Variants in C1orf87 observed in about 807,000 individuals in gnomAD.
The protein encoded by C1orf87 is uncharacterized protein C1orf87.
Under a neutral mutation model 60.5 loss-of-function variants are expected in C1orf87, and 58 were observed. The ratio of observed to expected loss-of-function variants is 0.96; its 90% CI spans 0.78 to 1.19. The LOEUF (loss-of-function observed/expected upper bound fraction) is 1.19, where lower values mean the gene tolerates loss of function less well. C1orf87 is among the 50% of genes most tolerant of loss of function. The pLI, the probability that C1orf87 is intolerant of heterozygous loss-of-function variation, is 0.00. For synonymous variants in C1orf87, 236 were observed against 227.4 expected (o/e 1.04, Z -0.34); for missense variants, 673 against 638.6 (o/e 1.05, Z -0.58).
chr1:60,042,926 G>A (rs1645337082), intron 3 of C1orf87, among the ~76,000 whole-genome samples: 1 of 152,156 alleles, frequency 6.6e-6, no homozygotes, highest in African/African-American at 2.4e-5. Flanking sequence ...TGGTCCACCT[G>A]ATCTGGACTT....
intron 11 of C1orf87, among the ~76,000 whole-genome samples, chr1:59,991,814 T>C (rs75072064): frequency 0.01 from 1,582 of 152,276 alleles, 29 homozygotes; most frequent in African/African-American, 0.036. Flanking sequence ...TTTTGATGGC[T>C]GTTGGGAGGA....
intron 3 of C1orf87, among the ~76,000 whole-genome samples, chr1:60,041,760 T>A (rs74472846): frequency 0.018 from 2,738 of 152,298 alleles, 90 homozygotes; most frequent in African/African-American, 0.063. Flanking sequence ...AGCTAATTCC[T>A]AGAGATGGCA....
intron 3 of C1orf87, among the ~76,000 whole-genome samples, chr1:60,050,390 A>T (rs1645405553): frequency 6.6e-6 from 1 of 151,780 alleles, no homozygotes; most frequent in African/African-American, 2.4e-5. Flanking sequence ...TAGTTAATTT[A>T]CTTCTACATT....
At position 60,032,448 on chromosome 1, in the gene C1orf87, T is replaced by G. The variant is rs1645245698; in HGVS notation, c.1029+1028A>C. The stretch of plus-strand genomic sequence containing the variant: ...GAGACTCAGGTTTTTTTTTTTTTTT[T>G]TTTTTTTGAGACTGAGTCTCGCTCT... On this transcript the variant is annotated intron_variant, in intron 7 of 11. Coordinates refer to ENST00000371201, the MANE Select transcript of C1orf87 (RefSeq NM_152377.3). Among the ~76,000 whole-genome samples, 4 of 146,152 alleles carry G rather than the reference T, an allele frequency of 2.7e-5. No individual in the cohort carries two copies. In the South Asian group the frequency reaches 9.1e-4, roughly 33 times the overall value.
At chr1:60,003,410 A>G (rs984146624) in intron 9 of C1orf87, among the ~76,000 whole-genome samples, 1 of 152,058 alleles carries the variant, frequency 6.6e-6, no homozygotes, top group Non-Finnish European at 1.5e-5. Context: ...AGCATGGCTC[A>G]TGTATACATA....
At chr1:59,997,577 A>C in intron 11 of C1orf87, 32 bp downstream of exon 11, 1 of 1,607,540 alleles carries the variant, frequency 6.2e-7, no homozygotes, top group Non-Finnish European at 8.5e-7. Context: ...CACAAATAGA[A>C]ACCTATGCCA....
intron 8 of C1orf87, 83 bp downstream of exon 8, chr1:60,025,318 T>G (rs952329510): frequency 9.0e-7 from 1 of 1,107,384 alleles, no homozygotes; most frequent in Non-Finnish European, 1.3e-6. Flanking sequence ...AAAACCATCA[T>G]ATTTGAAGTT....
intron 9 of C1orf87, among the ~76,000 whole-genome samples, chr1:60,009,540 C>A (rs967311132): frequency 6.6e-6 from 1 of 152,000 alleles, no homozygotes; most frequent in Admixed American, 6.6e-5. Flanking sequence ...AACCAATCCC[C>A]TGTAGTAAAT....
intron 2 of C1orf87, among the ~76,000 whole-genome samples, chr1:60,067,473 T>C (rs1178700244): frequency 6.6e-6 from 1 of 151,990 alleles, no homozygotes; most frequent in Non-Finnish European, 1.5e-5. Flanking sequence ...CCAGAGATGG[T>C]GAGCTTTTTT....
At chr1:60,065,232 T>C (rs1019270719) in intron 2 of C1orf87, among the ~76,000 whole-genome samples, 2 of 150,704 alleles carry the variant, frequency 1.3e-5, no homozygotes, top group Admixed American at 6.7e-5. Context: ...ATGCCCAATA[T>C]TGGGCAAACT....
chr1:60,025,483 C>T lies in C1orf87; in HGVS notation c.1045G>A (p.Gly349Arg). 1 of 1,611,216 alleles carries T rather than the reference C, an allele frequency of 6.2e-7. No individual in the cohort carries two copies. Among genetic ancestry groups the T allele is most frequent in the Non-Finnish European group, 8.5e-7 (1 of 1,178,596 alleles). Residue 349 changes from glycine (G) to arginine (R), a missense_variant, in exon 8 of 12, where the codon GGG becomes AGG. By Grantham distance (125) the Gly-to-Arg change is moderately radical. Transcript: ENST00000371201. ...AGGGTCAGATATAATCCATGCTTCC[C>T]ACATATAGCCCTGACCTACAAGTTA... ...LPLPKVRAIC[G>R]KHGLYLTLSL...
At chr1:59,995,027 A>G (rs532357218) in intron 11 of C1orf87, among the ~76,000 whole-genome samples, 31 of 152,306 alleles carry the variant, frequency 2.0e-4, no homozygotes, top group Non-Finnish European at 3.4e-4. Flanking sequence ...AATTTCATGG[A>G]AACAGAGAAA....
chr1:60,039,420 T>C (rs1645301909), intron 5 of C1orf87, among the ~76,000 whole-genome samples: 1 of 152,232 alleles, frequency 6.6e-6, no homozygotes, highest in Non-Finnish European at 1.5e-5. Context: ...ATTTGTGTCT[T>C]AGCATGGTGT....
At chr1:60,068,934 G>A (rs1007480401) in intron 2 of C1orf87, among the ~76,000 whole-genome samples, 3 of 151,966 alleles carry the variant, frequency 2.0e-5, no homozygotes, top group Admixed American at 6.6e-5. Flanking sequence ...CTTTAGATTT[G>A]GATTTATTTA....
intron 3 of C1orf87, among the ~76,000 whole-genome samples, chr1:60,050,162 G>A (rs746742730): frequency 8.6e-5 from 13 of 151,850 alleles, no homozygotes; most frequent in African/African-American, 2.4e-4. Flanking sequence ...AATAAAAACC[G>A]AACACTATTT....
intron 7 of C1orf87, among the ~76,000 whole-genome samples, chr1:60,031,321 A>G (rs1645236542): frequency 6.6e-6 from 1 of 152,226 alleles, no homozygotes; most frequent in South Asian, 2.1e-4. Flanking sequence ...GCTCTGAGTG[A>G]GTTCCAGATG....
chr1:60,059,869 T>C (rs894870893), intron 2 of C1orf87, among the ~76,000 whole-genome samples: 1 of 152,140 alleles, frequency 6.6e-6, no homozygotes, highest in African/African-American at 2.4e-5. Flanking sequence ...GGGATCTAAT[T>C]TCAGTAAATG....
intron 9 of C1orf87, among the ~76,000 whole-genome samples, chr1:60,009,995 T>C (rs1645071790): frequency 6.6e-6 from 1 of 151,134 alleles, no homozygotes; most frequent in Non-Finnish European, 1.5e-5. Flanking sequence ...ACACTAAACA[T>C]ATATATACAT....
rs530034330 is a variant in C1orf87, at chr1:60,043,336, C to T, written c.343-2205G>A. Among the ~76,000 whole-genome samples, 7 of 152,188 alleles carry T rather than the reference C, an allele frequency of 4.6e-5. No individual in the cohort carries two copies. In the South Asian group the frequency reaches 1.5e-3, roughly 32 times the overall value. ...GCAGATATTTGAATCCTGCTTTTCC[C>T]AATTACACTAGGATGAGGGAGATTC... On this transcript the variant is annotated intron_variant, in intron 3 of 11. Transcript: ENST00000371201.
Sources: allele counts gnomAD v4.1 joint callset (sites outside exome capture counted in the v4.1 genomes callset), GRCh38; gene constraint gnomAD v4.1.1; transcripts MANE v1.5; gene names NCBI Gene and HGNC (gene_info 2026-07-23, HGNC 2026-07-21).